Variants in ADAMTS6 observed in about 807,000 individuals in gnomAD.
ADAMTS6 encodes ADAM metallopeptidase with thrombospondin type 1 motif 6.
ADAMTS6 carries 23 observed loss-of-function variants against 144.3 expected under a neutral mutation model. The ratio of observed to expected loss-of-function variants is 0.16; its 90% CI spans 0.11 to 0.23. The LOEUF (loss-of-function observed/expected upper bound fraction) is 0.23, where lower values mean the gene tolerates loss of function less well. Ranked by LOEUF, ADAMTS6 falls within the 10% of genes least tolerant of loss-of-function variation. The pLI is 1.00. For synonymous variants in ADAMTS6, 444 were observed against 457.5 expected, an observed-to-expected ratio of 0.97 and a Z score of 0.38; for missense variants, 999 against 1,379.6, an observed-to-expected ratio of 0.72 and a Z score of 4.37.
intron 21 of ADAMTS6, among the ~76,000 whole-genome samples, chr5:65,193,853 A>C (rs1206412184): frequency 6.6e-6 from 1 of 152,196 alleles, no homozygotes; most frequent in African/African-American, 2.4e-5. Flanking sequence ...CAATTTAAAT[A>C]AACAATCACA....
chr5:65,263,128 T>C (rs1014084354), intron 12 of ADAMTS6, among the ~76,000 whole-genome samples, 166 bp from the exon 13 acceptor site: 5 of 152,208 alleles, frequency 3.3e-5, no homozygotes, highest in Non-Finnish European at 5.9e-5. Context: ...TGAATGTGCA[T>C]GTGACTTGCG....
At chr5:65,404,006 C>T (rs1341698573) in intron 7 of ADAMTS6, among the ~76,000 whole-genome samples, 2 of 152,000 alleles carry the variant, frequency 1.3e-5, no homozygotes, top group African/African-American at 4.8e-5. Context: ...AATATAAAAT[C>T]AATGCTTAAG....
intron 18 of ADAMTS6, among the ~76,000 whole-genome samples, chr5:65,223,448 G>A (rs1254146475): frequency 6.6e-6 from 1 of 152,106 alleles, no homozygotes; most frequent in Non-Finnish European, 1.5e-5. Flanking sequence ...CTGAAAGTTT[G>A]TACTATTTGA....
chr5:65,200,053 T>C (rs995847592), intron 20 of ADAMTS6, among the ~76,000 whole-genome samples: 1 of 152,194 alleles, frequency 6.6e-6, no homozygotes, highest in Non-Finnish European at 1.5e-5. Flanking sequence ...TCTTCTAGAA[T>C]GTTATATTAG....
chr5:65,327,285 C>A (rs942945515), intron 9 of ADAMTS6, among the ~76,000 whole-genome samples: 29 of 152,124 alleles, frequency 1.9e-4, no homozygotes, highest in African/African-American at 6.8e-4. Context: ...GCCAAATAAA[C>A]CGCTTTTTAA....
chr5:65,420,569 C>T lies in ADAMTS6; in HGVS notation c.1073+30906G>A, dbSNP rs539835310. Among the ~76,000 whole-genome samples, 69 of 152,178 alleles carry T rather than the reference C, an allele frequency of 4.5e-4. 1 individual carries two copies. Among genetic ancestry groups the T allele is most frequent in the South Asian group, 2.7e-3 (13 of 4,820 alleles). ...GCTAATTTTGTATTTTTAGTAGAGA[C>T]GTGGTTTCTCCATGTTGGTCAGGCT... is the stretch of plus-strand genomic sequence containing the variant. On this transcript the variant is annotated intron_variant, in intron 7 of 24. Transcript: ENST00000381055.
intron 14 of ADAMTS6, among the ~76,000 whole-genome samples, chr5:65,247,481 G>A (rs533937603): frequency 1.9e-3 from 289 of 152,214 alleles, no homozygotes; most frequent in African/African-American, 6.7e-3. Context: ...ATAGGGTGAC[G>A]TTGGCAAGTC....
At chr5:65,305,773 T>C (rs985463480) in intron 9 of ADAMTS6, among the ~76,000 whole-genome samples, 1 of 151,696 alleles carries the variant, frequency 6.6e-6, no homozygotes, top group Admixed American at 6.6e-5. Flanking sequence ...CACACACACA[T>C]ATGCACACAT....
chr5:65,391,311 G>A (rs543260990), intron 7 of ADAMTS6, among the ~76,000 whole-genome samples: 6 of 151,964 alleles, frequency 3.9e-5, no homozygotes, highest in Admixed American at 1.3e-4. Flanking sequence ...ATAAAGTTGC[G>A]AAAATGAAAA....
intron 15 of ADAMTS6, among the ~76,000 whole-genome samples, chr5:65,233,254 A>AT (rs1758396262): frequency 6.6e-6 from 1 of 152,096 alleles, no homozygotes; most frequent in African/African-American, 2.4e-5. Flanking sequence ...AAAGGCTGAC[A>AT]TTTTTTCCTC....
At chr5:65,441,964 A>G (rs1406987966) in intron 7 of ADAMTS6, among the ~76,000 whole-genome samples, 1 of 152,036 alleles carries the variant, frequency 6.6e-6, no homozygotes, top group Non-Finnish European at 1.5e-5. Flanking sequence ...CTAACACTAA[A>G]CACTTATATT....
intron 7 of ADAMTS6, among the ~76,000 whole-genome samples, chr5:65,409,758 G>A (rs1316419847): frequency 6.6e-6 from 1 of 152,118 alleles, no homozygotes; most frequent in Non-Finnish European, 1.5e-5. Context: ...ATAAAATACT[G>A]GCAAACTGAA....
intron 9 of ADAMTS6, among the ~76,000 whole-genome samples, chr5:65,306,848 A>G (rs1326349173): frequency 6.6e-6 from 1 of 152,148 alleles, no homozygotes; most frequent in Non-Finnish European, 1.5e-5. Context: ...GTGTTCAACT[A>G]TTTGCATATT....
intron 8 of ADAMTS6, among the ~76,000 whole-genome samples, chr5:65,332,202 T>C (rs1746796288): frequency 6.7e-6 from 1 of 150,270 alleles, no homozygotes; most frequent in African/African-American, 2.4e-5. Flanking sequence ...GCAAAGTAAT[T>C]TGCACCAATC....
intron 10 of ADAMTS6, among the ~76,000 whole-genome samples, chr5:65,299,507 C>T (rs1367261287): frequency 1.3e-5 from 2 of 152,080 alleles, no homozygotes; most frequent in Admixed American, 6.6e-5. Context: ...AAAAATGGAT[C>T]GCTTAATACA....
intron 7 of ADAMTS6, among the ~76,000 whole-genome samples, chr5:65,391,537 C>A (rs559107917): frequency 1.4e-4 from 21 of 151,950 alleles, no homozygotes; most frequent in African/African-American, 4.6e-4. Context: ...TTAATGCATA[C>A]CTTAATGCAT....
Position 65,172,973 on chromosome 5 carries a change from C to G in ADAMTS6, c.2946G>C (p.Arg982=). ...GGTCACTGCTCTTGCACAGAACAAT[C>G]CGATGCTTGAATCCTGGACCACATT... The part of the protein sequence containing the change: ...TPKCGPGFKH[R]IVLCKSSDLS... Residue 982 remains arginine (R), a synonymous_variant, in exon 23 of 25, where the codon CGG becomes CGC. Coordinates refer to ENST00000381055, the MANE Select transcript of ADAMTS6 (RefSeq NM_197941.4). 1 of 1,614,084 alleles carries G rather than the reference C, an allele frequency of 6.2e-7. No individual in the cohort carries two copies. Among genetic ancestry groups the G allele is most frequent in the Non-Finnish European group, 8.5e-7 (1 of 1,180,000 alleles).
chr5:65,473,449 A>C, intron 2 of ADAMTS6, 128 bp downstream of exon 2: 1 of 704,040 alleles, frequency 1.4e-6, no homozygotes, highest in Non-Finnish European at 2.4e-6. Context: ...CCGAATTGAC[A>C]CAGTAGGCCT....
chr5:65,415,095 T>C (rs1755391079), intron 7 of ADAMTS6, among the ~76,000 whole-genome samples: 1 of 152,176 alleles, frequency 6.6e-6, no homozygotes, highest in Non-Finnish European at 1.5e-5. Context: ...ATGATAAGTC[T>C]AATATTCAAA....
Sources: gnomAD v4.1 joint callset for allele counts (sites outside exome capture counted in the v4.1 genomes callset) on GRCh38, gnomAD v4.1.1 for gene constraint, MANE v1.5 for transcripts, NCBI Gene and HGNC (gene_info 2026-07-23, HGNC 2026-07-21) for gene names.